CAMKMT: variants seen among roughly 807,000 people sequenced by gnomAD.
CAMKMT encodes calmodulin-lysine N-methyltransferase.
CAMKMT carries 53 observed loss-of-function variants against 48.0 expected under a neutral mutation model. The ratio of observed to expected loss-of-function variants is 1.10; its 90% CI spans 0.89 to 1.39. The LOEUF is 1.39. Among genes scored for constraint, CAMKMT ranks in the 40% most tolerant of loss-of-function variants. The pLI, the probability that CAMKMT is intolerant of heterozygous loss-of-function variation, is 0.00. For synonymous variants in CAMKMT, 165 were observed against 152.3 expected, an observed-to-expected ratio of 1.08 and a Z score of -0.61; for missense variants, 428 against 402.7, an observed-to-expected ratio of 1.06 and a Z score of -0.54.
chr2:44,685,259 A>G (rs986275147), intron 3 of CAMKMT, among the ~76,000 whole-genome samples: 13 of 152,234 alleles, frequency 8.5e-5, no homozygotes, highest in Admixed American at 7.8e-4. Flanking sequence ...TCTCAAATAG[A>G]AAAAGTGGGC....
At chr2:44,725,974 G>C (rs1678761084) in intron 7 of CAMKMT, among the ~76,000 whole-genome samples, 1 of 152,134 alleles carries the variant, frequency 6.6e-6, no homozygotes, top group Admixed American at 6.5e-5. Flanking sequence ...CTGATAGGTA[G>C]TTTTTTAAAA....
intron 3 of CAMKMT, among the ~76,000 whole-genome samples, chr2:44,690,948 C>T (rs936236986): frequency 2.6e-5 from 4 of 151,916 alleles, no homozygotes; most frequent in Non-Finnish European, 5.9e-5. Context: ...TGCACTCCAG[C>T]CTGGGCAACA....
intron 9 of CAMKMT, among the ~76,000 whole-genome samples, chr2:44,755,153 A>G (rs755332829): frequency 2.6e-5 from 4 of 152,048 alleles, no homozygotes; most frequent in Non-Finnish European, 5.9e-5. Context: ...TGCTATCTCT[A>G]TGTAGCTCAG....
intron 3 of CAMKMT, among the ~76,000 whole-genome samples, chr2:44,539,879 T>C (rs994089461): frequency 1.3e-5 from 2 of 152,176 alleles, no homozygotes; most frequent in Non-Finnish European, 2.9e-5. Context: ...ATCTTGACTG[T>C]GATCAATTGG....
At chr2:44,652,007 A>G (rs1377902431) in intron 3 of CAMKMT, among the ~76,000 whole-genome samples, 2 of 152,230 alleles carry the variant, frequency 1.3e-5, no homozygotes, top group Non-Finnish European at 2.9e-5. Context: ...AATACAGTAT[A>G]TGTGCATTAT....
chr2:44,527,778 G>A (rs1382922037), intron 3 of CAMKMT, among the ~76,000 whole-genome samples: 2 of 104,380 alleles, frequency 1.9e-5, no homozygotes, highest in Non-Finnish European at 4.0e-5. Context: ...CCTCCCACAT[G>A]TGTACAGCCC....
At chr2:44,394,576 T>C (rs1284700568) in intron 3 of CAMKMT, among the ~76,000 whole-genome samples, 1 of 152,052 alleles carries the variant, frequency 6.6e-6, no homozygotes, top group Non-Finnish European at 1.5e-5. Flanking sequence ...TACAGGCGCC[T>C]GCTACTATGT....
chr2:44,706,223 T>C (rs1325445564), intron 4 of CAMKMT, 64 bp from the exon 5 acceptor site: 20 of 1,545,594 alleles, frequency 1.3e-5, no homozygotes, highest in Non-Finnish European at 1.7e-5. Flanking sequence ...TTGTAACATA[T>C]ATCTCTCTCT....
At chr2:44,565,677 G>C (rs967260185) in intron 3 of CAMKMT, among the ~76,000 whole-genome samples, 3 of 151,640 alleles carry the variant, frequency 2.0e-5, no homozygotes, top group African/African-American at 7.3e-5. Context: ...AAGTAACCTG[G>C]AGAGTGGTCT....
chr2:44,696,855 A>G (rs1676985379), intron 3 of CAMKMT, among the ~76,000 whole-genome samples: 1 of 152,188 alleles, frequency 6.6e-6, no homozygotes, highest in Non-Finnish European at 1.5e-5. Context: ...TAATTAAGAC[A>G]TTGCATTCAT....
intron 3 of CAMKMT, among the ~76,000 whole-genome samples, chr2:44,615,633 T>A (rs1671845491): frequency 6.6e-6 from 1 of 152,130 alleles, no homozygotes; most frequent in Non-Finnish European, 1.5e-5. Flanking sequence ...ATATTACATT[T>A]GAGGGGCATT....
At chr2:44,734,979 G>A (rs1465130068) in intron 7 of CAMKMT, among the ~76,000 whole-genome samples, 1 of 152,152 alleles carries the variant, frequency 6.6e-6, no homozygotes, top group African/African-American at 2.4e-5. Flanking sequence ...GGTTTCATCT[G>A]TGTTTTTTTG....
chr2:44,504,233 C>G (rs970182939), intron 3 of CAMKMT, among the ~76,000 whole-genome samples: 1 of 152,054 alleles, frequency 6.6e-6, no homozygotes, highest in African/African-American at 2.4e-5. Context: ...ATGGTGAGTC[C>G]CACCCTTGCC....
chr2:44,417,773 G>T (rs186328392), intron 3 of CAMKMT, among the ~76,000 whole-genome samples: 1 of 152,236 alleles, frequency 6.6e-6, no homozygotes, highest in African/African-American at 2.4e-5. Flanking sequence ...ATCTCATTGC[G>T]GTTCTATGCA....
At chr2:44,597,831 G>C (rs1670752581) in intron 3 of CAMKMT, among the ~76,000 whole-genome samples, 1 of 152,040 alleles carries the variant, frequency 6.6e-6, no homozygotes, top group Non-Finnish European at 1.5e-5. Context: ...TCACCTCCCT[G>C]GTTCAAGCGA....
intron 3 of CAMKMT, among the ~76,000 whole-genome samples, chr2:44,435,824 C>T (rs1666205104): frequency 6.6e-6 from 1 of 152,158 alleles, no homozygotes; most frequent in Non-Finnish European, 1.5e-5. Context: ...CTTTTTAGTT[C>T]ATAGTTTACC....
At chr2:44,392,442 G>A (rs759874497) in intron 3 of CAMKMT, among the ~76,000 whole-genome samples, 15 of 151,952 alleles carry the variant, frequency 9.9e-5, no homozygotes, top group Non-Finnish European at 1.8e-4. Context: ...AATCTTGGAC[G>A]TAAAGTAACC....
intron 3 of CAMKMT, among the ~76,000 whole-genome samples, chr2:44,452,638 T>G (rs1226634581): frequency 6.6e-6 from 1 of 152,064 alleles, no homozygotes; most frequent in Non-Finnish European, 1.5e-5. Flanking sequence ...ACCTTTGATA[T>G]TCCAAAGTTG....
chr2:44,397,200 T>C (rs1330473316), intron 3 of CAMKMT, among the ~76,000 whole-genome samples: 1 of 152,224 alleles, frequency 6.6e-6, no homozygotes, highest in Non-Finnish European at 1.5e-5. Flanking sequence ...TCAAATCATT[T>C]TAACCCTTTC....
Sources: allele counts gnomAD v4.1 joint callset (sites outside exome capture counted in the v4.1 genomes callset), GRCh38; gene constraint gnomAD v4.1.1; transcripts MANE v1.5; gene names NCBI Gene and HGNC (gene_info 2026-07-23, HGNC 2026-07-21).